The following CATSPERE variants were observed in gnomAD, a reference collection of about 807,000 sequenced individuals.
The protein encoded by CATSPERE is catsper channel auxiliary subunit epsilon.
Under a neutral mutation model 114.1 loss-of-function variants are expected in CATSPERE, and 93 were observed. The observed-to-expected ratio is 0.81, with a 90% CI of 0.69 to 0.97. The LOEUF (loss-of-function observed/expected upper bound fraction) is 0.97, where lower values mean the gene tolerates loss of function less well. Ranked by LOEUF, CATSPERE falls within the 50% of genes least tolerant of loss-of-function variation. The pLI is 0.00. For synonymous variants in CATSPERE, 341 were observed against 384.1 expected, an observed-to-expected ratio of 0.89 and a Z score of 1.31; for missense variants, 1,058 against 1,131.6, an observed-to-expected ratio of 0.93 and a Z score of 0.93.
At chr1:244,630,968 A>G (rs1467098968) in intron 20 of CATSPERE, among the ~76,000 whole-genome samples, 2 of 152,100 alleles carry the variant, frequency 1.3e-5, no homozygotes, top group Non-Finnish European at 2.9e-5. Context: ...CATTTTTTCT[A>G]TACATATTCT....
At chr1:244,556,340 A>G (rs1233372127) in intron 9 of CATSPERE, among the ~76,000 whole-genome samples, 1 of 152,188 alleles carries the variant, frequency 6.6e-6, no homozygotes, top group Non-Finnish European at 1.5e-5. Flanking sequence ...AAGAAGGCAG[A>G]AAAGGGAAAT....
At chr1:244,498,272 A>G (rs954663958) in intron 6 of CATSPERE, among the ~76,000 whole-genome samples, 1 of 152,220 alleles carries the variant, frequency 6.6e-6, no homozygotes, top group Non-Finnish European at 1.5e-5. Flanking sequence ...GCATGCTAGC[A>G]TTTTGTAAAA....
intron 6 of CATSPERE, among the ~76,000 whole-genome samples, chr1:244,492,419 A>G (rs1347121739): frequency 2.0e-5 from 3 of 150,974 alleles, no homozygotes; most frequent in Non-Finnish European, 4.5e-5. Flanking sequence ...AACTCTCAAT[A>G]AATTAGGTAT....
chr1:244,487,979 T>A (rs1371631120), intron 5 of CATSPERE, among the ~76,000 whole-genome samples: 2 of 152,218 alleles, frequency 1.3e-5, no homozygotes, highest in Admixed American at 6.5e-5. Context: ...CTATTGACTC[T>A]GCCCCCAAAC....
intron 11 of CATSPERE, among the ~76,000 whole-genome samples, chr1:244,579,879 C>T (rs1275434350): frequency 2.0e-5 from 3 of 152,072 alleles, no homozygotes; most frequent in Non-Finnish European, 4.4e-5. Context: ...CTTCTTTCAA[C>T]TTGACACATA....
At chr1:244,584,107 G>A (rs891123049) in intron 13 of CATSPERE, among the ~76,000 whole-genome samples, 168 bp downstream of exon 13, 1 of 151,940 alleles carries the variant, frequency 6.6e-6, no homozygotes, top group Non-Finnish European at 1.5e-5. Context: ...TATTTATTCT[G>A]CACTTATTTC....
intron 10 of CATSPERE, among the ~76,000 whole-genome samples, chr1:244,571,158 C>T (rs1558516380): frequency 6.6e-6 from 1 of 152,202 alleles, no homozygotes; most frequent in Non-Finnish European, 1.5e-5. Context: ...ATTCACATTT[C>T]TCCCCTTCCA....
chr1:244,527,146 G>C (rs963105116), intron 8 of CATSPERE, among the ~76,000 whole-genome samples: 4 of 152,152 alleles, frequency 2.6e-5, no homozygotes, highest in Non-Finnish European at 4.4e-5. Flanking sequence ...CAGGGTTTGA[G>C]AGCAGACAAC....
intron 18 of CATSPERE, among the ~76,000 whole-genome samples, chr1:244,609,579 G>T (rs572616995): frequency 6.6e-6 from 1 of 152,132 alleles, no homozygotes; most frequent in South Asian, 2.1e-4. Flanking sequence ...TCGAACTCCT[G>T]ACCTCTGGTG....
chr1:244,615,769 G>C (rs1671299228), intron 19 of CATSPERE, among the ~76,000 whole-genome samples: 1 of 151,966 alleles, frequency 6.6e-6, no homozygotes, highest in Admixed American at 6.6e-5. Flanking sequence ...ATCCAGGTAA[G>C]TAACGGCAGG....
intron 20 of CATSPERE, among the ~76,000 whole-genome samples, chr1:244,622,948 C>T (rs529042685): frequency 6.6e-6 from 1 of 152,154 alleles, no homozygotes; most frequent in South Asian, 2.1e-4. Context: ...CAAAAGTGTC[C>T]TAGGTAGCCA....
At chr1:244,533,028 G>C (rs1679850640) in intron 8 of CATSPERE, among the ~76,000 whole-genome samples, 1 of 151,986 alleles carries the variant, frequency 6.6e-6, no homozygotes, top group Non-Finnish European at 1.5e-5. Flanking sequence ...ATATGTCTGG[G>C]TGCTTCATTG....
At position 244,524,646 on chromosome 1, in the gene CATSPERE, AAAAC is replaced by A. The variant is rs956322673; in HGVS notation, c.536+5955_536+5958del. Among the ~76,000 whole-genome samples, 56 of 151,892 alleles carry A rather than the reference AAAAC, an allele frequency of 3.7e-4. 1 individual carries two copies. Among genetic ancestry groups the A allele is most frequent in the Middle Eastern group, 6.8e-3 (2 of 294 alleles). On this transcript the variant is annotated intron_variant, in intron 8 of 21. Coordinates refer to ENST00000366534, the MANE Select transcript of CATSPERE (RefSeq NM_001130957.2). ...TGAACTCAAACAAATTTACAAGAAA[AAAAC>A]AAACAACCCCATCAAAAAGTGGGCA...
chr1:244,528,306 T>C (rs1466235116), intron 8 of CATSPERE, among the ~76,000 whole-genome samples: 1 of 152,152 alleles, frequency 6.6e-6, no homozygotes, highest in African/African-American at 2.4e-5. Flanking sequence ...TAAAAATGTA[T>C]ACACTATACA....
intron 11 of CATSPERE, 85 bp downstream of exon 11, chr1:244,572,857 C>A: frequency 1.1e-6 from 1 of 878,832 alleles, no homozygotes; most frequent in South Asian, 2.5e-5. Context: ...GATTTCCCTT[C>A]TAGGCTCAGC....
intron 14 of CATSPERE, among the ~76,000 whole-genome samples, chr1:244,590,666 C>T (rs1172654375): frequency 6.6e-6 from 1 of 152,220 alleles, no homozygotes; most frequent in South Asian, 2.1e-4. Flanking sequence ...TTTGCCTGCT[C>T]TGAATATTTC....
chr1:244,625,426 A>ATTTTTTTTTTTTTTTTTTTTTTTTTTTTT (rs1326525192), intron 20 of CATSPERE, among the ~76,000 whole-genome samples: 1 of 3,942 alleles, frequency 2.5e-4, no homozygotes, highest in Non-Finnish European at 6.6e-4. Context: ...ATATATATAT[A>ATTTTTTTTTTTTTTTTTTTTTTTTTTTTT]TATATATTTT....
chr1:244,586,658 G>A (rs541003323), intron 13 of CATSPERE, among the ~76,000 whole-genome samples: 9 of 152,182 alleles, frequency 5.9e-5, no homozygotes, highest in African/African-American at 2.2e-4. Context: ...GCTGGACATC[G>A]TCCTATCCCC....
chr1:244,528,785 C>CCACGCATGCGCA (rs1553342506), intron 8 of CATSPERE, among the ~76,000 whole-genome samples: 5 of 130,536 alleles, frequency 3.8e-5, no homozygotes, highest in African/African-American at 1.5e-4. Flanking sequence ...CAATCCCCCA[C>CCACGCATGCGCA]CACACACACA....
Sources: gnomAD v4.1 joint callset for allele counts (sites outside exome capture counted in the v4.1 genomes callset) on GRCh38, gnomAD v4.1.1 for gene constraint, MANE v1.5 for transcripts, NCBI Gene and HGNC (gene_info 2026-07-23, HGNC 2026-07-21) for gene names.